FILIP1L: variants seen among roughly 807,000 people sequenced by gnomAD.
FILIP1L encodes the protein filamin A interacting protein 1 like.
Under a neutral mutation model 96.6 loss-of-function variants are expected in FILIP1L, and 55 were observed. The observed-to-expected ratio is 0.57, with a 90% CI of 0.46 to 0.71. The LOEUF is 0.71. Ranked by LOEUF, FILIP1L falls within the 30% of genes least tolerant of loss-of-function variation. FILIP1L has a pLI of 0.00. For synonymous variants in FILIP1L, 467 were observed against 473.9 expected (o/e 0.99, Z 0.19); for missense variants, 1,304 against 1,321.2 (o/e 0.99, Z 0.20).
chr3:99,902,296 AC>A (rs1280180868), intron 4 of FILIP1L, among the ~76,000 whole-genome samples: 2 of 152,200 alleles, frequency 1.3e-5, no homozygotes, highest in African/African-American at 2.4e-5. Flanking sequence ...TTTCTATTAC[AC>A]CCAGCACCTG....
chr3:100,024,647 G>A (rs1264516592), intron 1 of FILIP1L, among the ~76,000 whole-genome samples: 1 of 152,166 alleles, frequency 6.6e-6, no homozygotes, highest in Admixed American at 6.6e-5. Context: ...CCTCTAAACA[G>A]TTGGAAGAAA....
chr3:99,868,426 A>G (rs1024514240), intron 4 of FILIP1L, among the ~76,000 whole-genome samples: 5 of 152,144 alleles, frequency 3.3e-5, no homozygotes, highest in East Asian at 1.9e-4. Context: ...ACAGCCCCCT[A>G]TATGTCAGCC....
At chr3:99,906,597 T>G (rs1019988861) in intron 4 of FILIP1L, among the ~76,000 whole-genome samples, 2 of 152,262 alleles carry the variant, frequency 1.3e-5, no homozygotes, top group African/African-American at 4.8e-5. Context: ...TTTTAACTTC[T>G]TCAAGGTCAT....
At chr3:100,044,829 G>C (rs553182681) in intron 1 of FILIP1L, among the ~76,000 whole-genome samples, 16 of 152,208 alleles carry the variant, frequency 1.1e-4, no homozygotes, top group Non-Finnish European at 2.1e-4. Flanking sequence ...GCAGTCAATG[G>C]AGTGGTTAAT....
chr3:100,037,193 G>T (rs1260029776), intron 1 of FILIP1L, among the ~76,000 whole-genome samples: 1 of 151,008 alleles, frequency 6.6e-6, no homozygotes, highest in African/African-American at 2.5e-5. Flanking sequence ...GATCATTGTG[G>T]AGTAAGTGAA....
intron 4 of FILIP1L, among the ~76,000 whole-genome samples, chr3:99,885,855 A>G (rs552011946): frequency 1.2e-4 from 19 of 152,360 alleles, no homozygotes; most frequent in African/African-American, 4.3e-4. Context: ...ATGAAGAACA[A>G]TACAGCTCAA....
intron 1 of FILIP1L, among the ~76,000 whole-genome samples, chr3:100,021,960 T>TGTGTGTGTGTGTGAGAGAGAGA (rs1321185364): frequency 1.1e-5 from 1 of 93,332 alleles, no homozygotes; most frequent in South Asian, 4.4e-4. Flanking sequence ...TGTGTGTGTG[T>TGTGTGTGTGTGTGAGAGAGAGA]GAGAGAGAGA....
intron 4 of FILIP1L, among the ~76,000 whole-genome samples, chr3:99,912,468 C>T (rs889001813): frequency 6.6e-6 from 1 of 152,178 alleles, no homozygotes; most frequent in Non-Finnish European, 1.5e-5. Flanking sequence ...CCTTGACCTC[C>T]CTGGACTCAG....
At chr3:99,893,401 G>C (rs960279770) in intron 4 of FILIP1L, among the ~76,000 whole-genome samples, 1 of 152,008 alleles carries the variant, frequency 6.6e-6, no homozygotes, top group African/African-American at 2.4e-5. Context: ...TCCTGACCTC[G>C]TGATCCGCCT....
chr3:99,950,092 T>G (rs907664279), intron 1 of FILIP1L, among the ~76,000 whole-genome samples: 1 of 152,204 alleles, frequency 6.6e-6, no homozygotes, highest in Non-Finnish European at 1.5e-5. Context: ...CTTAGTCACT[T>G]GGAACCATTA....
At chr3:100,060,335 T>C (rs891265686) in intron 1 of FILIP1L, among the ~76,000 whole-genome samples, 2 of 152,096 alleles carry the variant, frequency 1.3e-5, no homozygotes, top group African/African-American at 4.8e-5. Flanking sequence ...CCACTCCACC[T>C]CCTCTTCCAT....
rs80147622 is a variant in FILIP1L, at chr3:100,026,434, C to T, written c.-11+87619G>A. On this transcript the variant is annotated intron_variant, in intron 1 of 5. Coordinates refer to ENST00000477258, the MANE Select transcript of FILIP1L (RefSeq NM_001387850.1). ...GAACCAAAGGGCCAGTGTCTTGTCT[C>T]GATGGGGCAACTGCTTCTCAGCTCC... Among the ~76,000 whole-genome samples, 428 of 152,034 alleles carry T rather than the reference C, an allele frequency of 2.8e-3. 1 individual carries two copies. Among genetic ancestry groups the T allele is most frequent in the African/African-American group, 9.9e-3 (411 of 41,486 alleles).
chr3:99,859,345 A>G (rs1944127585), intron 4 of FILIP1L, among the ~76,000 whole-genome samples: 1 of 152,256 alleles, frequency 6.6e-6, no homozygotes, highest in African/African-American at 2.4e-5. Context: ...TCTCCCAGTA[A>G]CAACCAAATA....
intron 1 of FILIP1L, among the ~76,000 whole-genome samples, chr3:99,994,378 C>G (rs1028998685): frequency 6.6e-6 from 1 of 152,106 alleles, no homozygotes. Context: ...GACTTTAAAC[C>G]AAATGGACTT....
chr3:100,003,018 TGCA>T (rs1213695081), intron 1 of FILIP1L, among the ~76,000 whole-genome samples: 2 of 152,188 alleles, frequency 1.3e-5, no homozygotes. Context: ...TAATGGATTG[TGCA>T]GCATTTACCT....
At chr3:99,994,237 C>G (rs1446708608) in intron 1 of FILIP1L, among the ~76,000 whole-genome samples, 2 of 151,988 alleles carry the variant, frequency 1.3e-5, no homozygotes, top group African/African-American at 4.8e-5. Context: ...GATCAGAAAA[C>G]AAAGATTACT....
At chr3:99,971,506 C>T (rs1559708930) in intron 1 of FILIP1L, among the ~76,000 whole-genome samples, 1 of 152,178 alleles carries the variant, frequency 6.6e-6, no homozygotes, top group Admixed American at 6.5e-5. Context: ...GGAATGAGGT[C>T]TCACAGGAGA....
intron 1 of FILIP1L, among the ~76,000 whole-genome samples, chr3:100,023,788 G>A (rs1165174900): frequency 6.6e-6 from 1 of 152,134 alleles, no homozygotes; most frequent in Non-Finnish European, 1.5e-5. Context: ...TGCTCTGCAT[G>A]TCTTACTCTC....
At chr3:99,983,484 A>ATT (rs1559713764) in intron 1 of FILIP1L, among the ~76,000 whole-genome samples, 1 of 25,488 alleles carries the variant, frequency 3.9e-5, no homozygotes, top group South Asian at 1.2e-3. Context: ...ATATATATAT[A>ATT]TATATATATA....
Sources: gnomAD v4.1 joint callset for allele counts (sites outside exome capture counted in the v4.1 genomes callset) on GRCh38, gnomAD v4.1.1 for gene constraint, MANE v1.5 for transcripts, NCBI Gene and HGNC (gene_info 2026-07-23, HGNC 2026-07-21) for gene names.